Variants in PROM1 observed in about 807,000 individuals in gnomAD.
PROM1 encodes the protein prominin-1.
In PROM1, 105 loss-of-function variants were observed where a neutral mutation model predicts 116.9. The observed-to-expected ratio is 0.90, with a 90% CI of 0.77 to 1.06. The LOEUF is 1.06. PROM1 is among the 50% of genes least tolerant of loss of function. The pLI, the probability that PROM1 is intolerant of heterozygous loss-of-function variation, is 0.00. For synonymous variants in PROM1, 393 were observed against 387.0 expected (o/e 1.02, Z -0.18); for missense variants, 1,122 against 1,045.2 (o/e 1.07, Z -1.01).
At chr4:16,081,521 A>C (rs1305355886) in intron 1 of PROM1, among the ~76,000 whole-genome samples, 1 of 152,240 alleles carries the variant, frequency 6.6e-6, no homozygotes, top group East Asian at 1.9e-4. Flanking sequence ...CAAAATTGAC[A>C]AATGGGATCT....
At chr4:15,990,489 C>T (rs1053779680) in intron 18 of PROM1, among the ~76,000 whole-genome samples, 1 of 152,272 alleles carries the variant, frequency 6.6e-6, no homozygotes, top group East Asian at 1.9e-4. Flanking sequence ...AAATCTTCCT[C>T]CCACAGCCCC....
At chr4:15,980,973 A>ATTTATTTATTTAT (rs111811261) in intron 23 of PROM1, among the ~76,000 whole-genome samples, 3 of 146,204 alleles carry the variant, frequency 2.1e-5, no homozygotes, top group Non-Finnish European at 4.5e-5. Flanking sequence ...TTATTTATTT[A>ATTTATTTATTTAT]TTATTTTAGA....
chr4:15,978,311 C>T (rs1319402005), intron 26 of PROM1, among the ~76,000 whole-genome samples: 1 of 152,118 alleles, frequency 6.6e-6, no homozygotes, highest in East Asian at 1.9e-4. Flanking sequence ...GATTTTTTTA[C>T]AATGTTCAAA....
intron 13 of PROM1, among the ~76,000 whole-genome samples, chr4:16,005,649 G>A (rs1725284405): frequency 6.6e-6 from 1 of 152,100 alleles, no homozygotes; most frequent in Non-Finnish European, 1.5e-5. Flanking sequence ...AGTGACTTAA[G>A]TGGATAAATG....
At chr4:16,019,205 G>A (rs1729201949) in intron 8 of PROM1, among the ~76,000 whole-genome samples, 1 of 152,104 alleles carries the variant, frequency 6.6e-6, no homozygotes, top group Admixed American at 6.5e-5. Context: ...CTACCCCCTA[G>A]GACACATTCT....
Position 15,968,756 on chromosome 4 carries a change from T to C in PROM1, c.*637A>G, listed in dbSNP as rs971788520. ...TTGCATGCCATTTCCAAGTGGAACA[T>C]GGCCAATCTTTGATAAAGTATAATA... On this transcript the variant is annotated 3_prime_UTR_variant, in exon 28 of 28. Transcript: ENST00000447510. 3.3e-5 allele frequency: 5 copies of C among 152,234 alleles called. No homozygotes were observed. The highest frequency in any genetic ancestry group is 2.1e-4 in the South Asian group (1 of 4,836). 9.4% of individuals were successfully genotyped at this position (152,234 alleles called of 1,614,324 possible).
At chr4:15,980,114 G>A (rs1052463274) in intron 24 of PROM1, among the ~76,000 whole-genome samples, 5 of 152,024 alleles carry the variant, frequency 3.3e-5, no homozygotes, top group Non-Finnish European at 5.9e-5. Flanking sequence ...AAAATGGAAA[G>A]TGTAAAAACA....
chr4:15,980,303 TAAAAAA>T (rs58036643), intron 24 of PROM1, 113 bp downstream of exon 24: 11 of 610,236 alleles, frequency 1.8e-5, no homozygotes, highest in South Asian at 3.9e-5. Context: ...CAACTACTAC[TAAAAAA>T]AAAAAAAAAA....
chr4:15,972,091 C>G (rs1714704255), intron 26 of PROM1: 1 of 152,134 alleles, frequency 6.6e-6, no homozygotes, highest in Non-Finnish European at 1.5e-5. Flanking sequence ...CCTTATTGAG[C>G]AGAGGGATGC....
chr4:15,986,102 A>G (rs1719343309), intron 20 of PROM1, 65 bp from the exon 21 acceptor site: 6 of 1,196,114 alleles, frequency 5.0e-6, no homozygotes, highest in Non-Finnish European at 7.2e-6. Context: ...GACAATTTGC[A>G]TATTGATTCA....
In PROM1 at chr4:16,003,394, T is replaced by G; in HGVS notation, c.1455-2775A>C. 4.4e-6 allele frequency: 2 copies of G among 456,780 alleles called. 1 individual carries two copies. The highest frequency in any genetic ancestry group is 3.1e-5 in the South Asian group (2 of 64,572). The allele number at this position is 456,780 out of a possible 1,614,324, so 28.3% of individuals were successfully genotyped here. A position where few individuals can be genotyped will look rare whatever the true frequency, so the allele number is the denominator to read the frequency against. On this transcript the variant is annotated intron_variant, in intron 13 of 27. Transcript: ENST00000447510. ...AATTATTCGGCAAAGAGCATCATGGTCTTTTTACAGCCCTTGCTATATAGC... is the reference window on the plus strand; with the variant it reads ...AATTATTCGGCAAAGAGCATCATGGGCTTTTTACAGCCCTTGCTATATAGC...
chr4:16,044,475 CCT>C (rs1034777749), intron 2 of PROM1, among the ~76,000 whole-genome samples: 2 of 152,204 alleles, frequency 1.3e-5, no homozygotes, highest in Admixed American at 6.5e-5. Context: ...GTGTTAAGTG[CCT>C]CTCTGCGGAG....
Position 16,006,691 on chromosome 4 carries a change from C to A in PROM1, c.1302-1G>T, listed in dbSNP as rs1179360008. The A allele has an allele frequency of 1.2e-6, 2 of 1,612,690 alleles. No homozygotes were observed. The highest frequency in any genetic ancestry group is 2.2e-5 in the South Asian group (2 of 90,552). On this transcript the variant is annotated splice_acceptor_variant, in intron 12 of 27. Coordinates refer to ENST00000447510, the MANE Select transcript of PROM1 (RefSeq NM_006017.3). LOFTEE classifies it high-confidence loss of function. ...GCAGATGACCAGGCCACCCAGCCAC[C>A]TGGAGAGGCAAGCACAGTGTTAGTA...
intron 9 of PROM1, 122 bp downstream of exon 9, chr4:16,018,201 G>T (rs529383228): frequency 2.3e-6 from 2 of 868,576 alleles, no homozygotes; most frequent in Non-Finnish European, 1.8e-6. Flanking sequence ...GGCTGATAGA[G>T]GCCAGGGGCT....
At chr4:16,024,772 A>G (rs1201116407) in intron 6 of PROM1, among the ~76,000 whole-genome samples, 1 of 152,186 alleles carries the variant, frequency 6.6e-6, no homozygotes, top group Non-Finnish European at 1.5e-5. Flanking sequence ...CGATATATCT[A>G]TGCAGACATT....
At chr4:16,025,127 T>C (rs984390576) in intron 6 of PROM1, 65 bp downstream of exon 6, 10 of 1,531,158 alleles carry the variant, frequency 6.5e-6, no homozygotes, top group Non-Finnish European at 8.0e-6. Flanking sequence ...ATTCCAAATA[T>C]ACACAGGAAC....
At chr4:16,049,772 T>G (rs1737426195) in intron 2 of PROM1, among the ~76,000 whole-genome samples, 2 of 152,020 alleles carry the variant, frequency 1.3e-5, no homozygotes, top group Middle Eastern at 3.4e-3. Context: ...CAATAGGACA[T>G]GAACAAGATG....
intron 2 of PROM1, among the ~76,000 whole-genome samples, chr4:16,060,386 C>T (rs1191279596): frequency 6.6e-6 from 1 of 151,748 alleles, no homozygotes; most frequent in African/African-American, 2.4e-5. Context: ...CTCGGCTCAC[C>T]GCAACCTCCA....
At chr4:16,003,263 T>C in intron 13 of PROM1, 1 of 456,654 alleles carries the variant, frequency 2.2e-6, no homozygotes, top group Non-Finnish European at 4.4e-6. Context: ...ATGTAGGCTG[T>C]TTCCAGTGCT....
Sources: allele counts gnomAD v4.1 joint callset (sites outside exome capture counted in the v4.1 genomes callset), GRCh38; gene constraint gnomAD v4.1.1; transcripts MANE v1.5; gene names NCBI Gene and HGNC (gene_info 2026-07-23, HGNC 2026-07-21).